The following SLFN12L variants were observed in gnomAD, a reference collection of about 807,000 sequenced individuals.
The protein encoded by SLFN12L is schlafen family member 12-like.
Under a neutral mutation model 34.8 loss-of-function variants are expected in SLFN12L, and 34 were observed. The ratio of observed to expected loss-of-function variants is 0.98; its 90% CI spans 0.74 to 1.30. SLFN12L has a LOEUF of 1.30. SLFN12L is among the 50% of genes most tolerant of loss of function. The probability of loss-of-function intolerance (pLI) is 0.00; values close to 1 mark genes in which losing one functional copy is unlikely to be tolerated. For missense variants in SLFN12L, 703 were observed against 696.2 expected, an observed-to-expected ratio of 1.01 and a Z score of -0.11; for synonymous variants, 259 against 247.5, an observed-to-expected ratio of 1.05 and a Z score of -0.44.
chr17:35,467,937 T>G lies in SLFN12L; in HGVS notation c.*6986A>C, dbSNP rs1318141969. 1.3e-5 allele frequency among the ~76,000 whole-genome samples: 2 copies of G among 152,206 alleles called. No homozygotes were observed. Among genetic ancestry groups the G allele is most frequent in the African/African-American group, 4.8e-5 (2 of 41,452 alleles). ...CTTTTTGTTTTGGTCTGAGACAAGG[T>G]CTCACTCTGTTACCCAGGCTGGAGT... On this transcript the variant is annotated 3_prime_UTR_variant, in exon 5 of 5. Transcript: ENST00000628453.
intron 2 of SLFN12L, chr17:35,498,476 G>T (rs1915177680): frequency 8.2e-7 from 1 of 1,220,710 alleles, no homozygotes; most frequent in Non-Finnish European, 1.2e-6. Context: ...CTGATTCCCC[G>T]CATAGCCACG....
chr17:35,495,555 G>A (rs1239254100), intron 2 of SLFN12L, among the ~76,000 whole-genome samples: 2 of 152,164 alleles, frequency 1.3e-5, no homozygotes, highest in African/African-American at 2.4e-5. Context: ...ATCCCCCAGG[G>A]CAACGGCCTT....
In SLFN12L at chr17:35,471,442, G is replaced by A. The variant is rs1913807411; in HGVS notation, c.*3481C>T. Among the ~76,000 whole-genome samples the A allele has an allele frequency of 6.6e-6, 1 of 152,120 alleles. No individual in the cohort carries two copies. Among genetic ancestry groups the A allele is most frequent in the South Asian group, 2.1e-4 (1 of 4,820 alleles). On this transcript the variant is annotated 3_prime_UTR_variant, in exon 5 of 5. Transcript: ENST00000628453. Reference sequence around the variant, plus strand: ...ATGAGCCACCGCGCCACGCCTGCATGTATCTTTATAGTAGAATGATTTACA... The same window carrying A: ...ATGAGCCACCGCGCCACGCCTGCATATATCTTTATAGTAGAATGATTTACA...
chr17:35,473,700 A>G lies in SLFN12L; in HGVS notation c.*1223T>C, dbSNP rs1913846476. 2 of 151,890 alleles carry G rather than the reference A, an allele frequency of 1.3e-5. No homozygotes were observed. The highest frequency in any genetic ancestry group is 2.9e-5 in the Non-Finnish European group (2 of 67,970). 9.4% of individuals were successfully genotyped at this position (151,890 alleles called of 1,614,324 possible). On this transcript the variant is annotated 3_prime_UTR_variant, in exon 5 of 5. Coordinates refer to ENST00000628453, the MANE Select transcript of SLFN12L (RefSeq NM_001363830.2). ...GTTAGGCAGGATTCTTTCCTCTTTT[A>G]TTGTTTGGAATAGTTTCAGTAGAAA...
Position 35,535,357 on chromosome 17 carries a change from A to AT in SLFN12L, c.-606+2215dup, listed in dbSNP as rs759936884. ...AGACATGTGCCACCTTGCCTAGCTA[A>AT]TTTTTTTTTTTTTATTTTTAGTAGT... On this transcript the variant is annotated intron_variant, in intron 1 of 4. Coordinates refer to ENST00000628453, the MANE Select transcript of SLFN12L (RefSeq NM_001363830.2). 2.5e-3 allele frequency among the ~76,000 whole-genome samples: 358 copies of AT among 141,736 alleles called. 2 individuals carry two copies. Among genetic ancestry groups the AT allele is most frequent in the African/African-American group, 6.5e-3 (251 of 38,622 alleles). 93.0% of individuals were successfully genotyped at this position (141,736 alleles called of 152,430 possible).
Position 35,468,163 on chromosome 17 carries a change from G to A in SLFN12L, c.*6760C>T, listed in dbSNP as rs1393134895. Among the ~76,000 whole-genome samples, 2 of 152,118 alleles carry A rather than the reference G, an allele frequency of 1.3e-5. No homozygotes were observed. Among genetic ancestry groups the A allele is most frequent in the African/African-American group, 2.4e-5 (1 of 41,408 alleles). ...TGAGCTCAAGCAATGCACCTGCTTT[G>A]GCCTCTCAAAGTGCTGGGATTACAG... On this transcript the variant is annotated 3_prime_UTR_variant, in exon 5 of 5. Transcript: ENST00000628453.
chr17:35,483,653 A>G (rs539596184), intron 2 of SLFN12L, among the ~76,000 whole-genome samples: 1 of 152,316 alleles, frequency 6.6e-6, no homozygotes, highest in East Asian at 1.9e-4. Flanking sequence ...GTCTATGTAT[A>G]CATAATCCAT....
chr17:35,495,425 T>C (rs376943911), intron 2 of SLFN12L, among the ~76,000 whole-genome samples: 1 of 152,226 alleles, frequency 6.6e-6, no homozygotes, highest in African/African-American at 2.4e-5. Flanking sequence ...ATGTCGATTA[T>C]AGCTCAGTAT....
At chr17:35,486,549 A>G (rs1914589630) in intron 2 of SLFN12L, among the ~76,000 whole-genome samples, 1 of 152,168 alleles carries the variant, frequency 6.6e-6, no homozygotes, top group African/African-American at 2.4e-5. Context: ...CCATGGTTCA[A>G]AACCTCAGGC....
rs534667761 is a variant in SLFN12L, at chr17:35,474,867, G to T, written c.*56C>A. The T allele has an allele frequency of 5.7e-4, 829 of 1,466,388 alleles. 2 individuals carry two copies. The highest frequency in any genetic ancestry group is 6.7e-4 in the Non-Finnish European group (742 of 1,111,142). The allele number at this position is 1,466,388 out of a possible 1,614,324, so 90.8% of individuals were successfully genotyped here. On this transcript the variant is annotated 3_prime_UTR_variant, in exon 5 of 5. Transcript: ENST00000628453. Reference sequence around the variant, plus strand: ...AATTGCTTGAACCCAGGAGGCAGAGGTTGCAGTGAGTCGAGATCGTGTCAC... The same window carrying T: ...AATTGCTTGAACCCAGGAGGCAGAGTTTGCAGTGAGTCGAGATCGTGTCAC...
chr17:35,487,731 G>A lies in SLFN12L; in HGVS notation c.87-7536C>T, dbSNP rs144531941. The stretch of plus-strand genomic sequence containing the variant: ...TAAAGAAAAAGAGAACGAACCTGGC[G>A]AGGTCCATGTCTGCGCACTCTTCAC... On this transcript the variant is annotated intron_variant, in intron 2 of 4. Transcript: ENST00000628453. 3.2e-3 allele frequency: 4,976 copies of A among 1,536,050 alleles called. 10 individuals carry two copies. Among genetic ancestry groups the A allele is most frequent in the Non-Finnish European group, 4.0e-3 (4,579 of 1,146,818 alleles).
intron 2 of SLFN12L, chr17:35,498,295 GT>G: frequency 1.2e-6 from 1 of 812,416 alleles, no homozygotes; most frequent in Non-Finnish European, 2.2e-6. Context: ...GACTCAGACG[GT>G]CCCCTGAAGC....
intron 1 of SLFN12L, among the ~76,000 whole-genome samples, chr17:35,527,367 A>G (rs541570977): frequency 1.3e-5 from 2 of 152,350 alleles, no homozygotes; most frequent in African/African-American, 4.8e-5. Context: ...TTATGAGGCC[A>G]GCATCATCCT....
At chr17:35,507,161 TC>T (rs1915488382) in intron 2 of SLFN12L, among the ~76,000 whole-genome samples, 1 of 152,186 alleles carries the variant, frequency 6.6e-6, no homozygotes, top group Admixed American at 6.5e-5. Context: ...CCATCTTTCT[TC>T]CTACTGCCCA....
chr17:35,527,542 T>G (rs1456283202), intron 1 of SLFN12L, among the ~76,000 whole-genome samples: 2 of 152,184 alleles, frequency 1.3e-5, no homozygotes, highest in Non-Finnish European at 2.9e-5. Context: ...GCAAGGCTGG[T>G]TGAACATACG....
chr17:35,475,091 C>G lies in SLFN12L; in HGVS notation c.1671G>C (p.Ser557=), dbSNP rs750552108. ...AGTAGGATTCAGGGTAAATTACTTG[C>G]GAGTTTAAATCATACTGGCAGCTTG... ...GKTSCQYDLN[S]QVIYPESYYW... The change falls in exon 5 of 5, where the codon TCG becomes TCC. Residue 557 remains serine (S), a synonymous_variant. Transcript: ENST00000628453. 1 of 1,614,048 alleles carries G rather than the reference C, an allele frequency of 6.2e-7. No individual in the cohort carries two copies. The highest frequency in any genetic ancestry group is 1.1e-5 in the South Asian group (1 of 91,080).
intron 2 of SLFN12L, among the ~76,000 whole-genome samples, chr17:35,520,631 G>A (rs1915968912): frequency 6.6e-6 from 1 of 152,066 alleles, no homozygotes; most frequent in Admixed American, 6.6e-5. Flanking sequence ...TGTAGTCCCA[G>A]CTACTCGGGA....
At chr17:35,490,556 T>A in intron 2 of SLFN12L, 2 of 834,366 alleles carry the variant, frequency 2.4e-6, no homozygotes, top group Non-Finnish European at 4.2e-6. Context: ...GGTTGCAGTC[T>A]GTCTGCGGAT....
chr17:35,465,795 C>T lies in SLFN12L; in HGVS notation c.*9128G>A, dbSNP rs1446881778. On this transcript the variant is annotated 3_prime_UTR_variant, in exon 5 of 5. Transcript: ENST00000628453. ...ATTAACATTATTAACTCTATCCAAT[C>T]AATAACTGCTAAATACTCTGTTCTT... Among the ~76,000 whole-genome samples the T allele has an allele frequency of 6.7e-6, 1 of 149,636 alleles. No homozygotes were observed. The highest frequency in any genetic ancestry group is 1.5e-5 in the Non-Finnish European group (1 of 67,670).
Sources: allele counts gnomAD v4.1 joint callset (sites outside exome capture counted in the v4.1 genomes callset), GRCh38; gene constraint gnomAD v4.1.1; transcripts MANE v1.5; gene names NCBI Gene and HGNC (gene_info 2026-07-23, HGNC 2026-07-21).